CTNND2: variants seen among roughly 807,000 people sequenced by gnomAD.
The protein encoded by CTNND2 is catenin delta-2.
A neutral mutation model predicts 144.4 loss-of-function variants in CTNND2; 22 were observed. The ratio of observed to expected loss-of-function variants is 0.15; its 90% CI spans 0.11 to 0.22. The LOEUF (loss-of-function observed/expected upper bound fraction) is 0.22, where lower values mean the gene tolerates loss of function less well. Among genes scored for constraint, CTNND2 ranks in the 10% least tolerant of loss-of-function variants. The probability of loss-of-function intolerance (pLI) is 1.00; values close to 1 mark genes in which losing one functional copy is unlikely to be tolerated. For synonymous variants in CTNND2, 751 were observed against 695.6 expected, an observed-to-expected ratio of 1.08 and a Z score of -1.25; for missense variants, 1,353 against 1,618.8, an observed-to-expected ratio of 0.84 and a Z score of 2.82.
At chr5:11,182,354 C>A (rs2052472838) in intron 11 of CTNND2, among the ~76,000 whole-genome samples, 1 of 151,880 alleles carries the variant, frequency 6.6e-6, no homozygotes, top group Non-Finnish European at 1.5e-5. Context: ...CATGCACCCA[C>A]CTTCGTGTGC....
At chr5:10,974,111 C>G (rs896623973) in intron 21 of CTNND2, among the ~76,000 whole-genome samples, 11 of 152,212 alleles carry the variant, frequency 7.2e-5, no homozygotes, top group Non-Finnish European at 7.3e-5. Flanking sequence ...CTCATCCCCT[C>G]TCTCTCAGCC....
chr5:11,802,119 A>T (rs1031705272), intron 1 of CTNND2, among the ~76,000 whole-genome samples: 2 of 152,058 alleles, frequency 1.3e-5, no homozygotes, highest in African/African-American at 4.8e-5. Context: ...CTAAAAACAC[A>T]AAAATTAGCC....
chr5:11,620,104 A>G (rs1245007030), intron 2 of CTNND2, among the ~76,000 whole-genome samples: 1 of 152,206 alleles, frequency 6.6e-6, no homozygotes, highest in Non-Finnish European at 1.5e-5. Flanking sequence ...TAGCTTCATC[A>G]TTATTTTTGG....
chr5:10,974,021 G>A (rs1736137017), intron 21 of CTNND2, among the ~76,000 whole-genome samples: 1 of 152,212 alleles, frequency 6.6e-6, no homozygotes, highest in Non-Finnish European at 1.5e-5. Flanking sequence ...TCACAGTGTT[G>A]TGCAACCATC....
chr5:11,526,598 T>C (rs1040811444), intron 3 of CTNND2, among the ~76,000 whole-genome samples: 4 of 152,192 alleles, frequency 2.6e-5, no homozygotes, highest in Non-Finnish European at 5.9e-5. Context: ...AGCCCTCTTC[T>C]AAACATGTCT....
intron 10 of CTNND2, among the ~76,000 whole-genome samples, chr5:11,219,523 G>A (rs985023618): frequency 6.6e-6 from 1 of 152,198 alleles, no homozygotes. Context: ...CTTAATCCCT[G>A]TGAATATATG....
intron 2 of CTNND2, among the ~76,000 whole-genome samples, chr5:11,646,717 C>G (rs917603066): frequency 3.9e-5 from 6 of 152,192 alleles, no homozygotes; most frequent in Non-Finnish European, 8.8e-5. Flanking sequence ...AAGGCAGAAG[C>G]TTTTCTTCCC....
intron 11 of CTNND2, among the ~76,000 whole-genome samples, chr5:11,189,118 C>T (rs1399936741): frequency 2.6e-5 from 4 of 152,168 alleles, no homozygotes; most frequent in African/African-American, 9.7e-5. Context: ...ATTGTCTTGA[C>T]ACAGTTCACT....
At chr5:11,836,011 T>C (rs1794157270) in intron 1 of CTNND2, among the ~76,000 whole-genome samples, 1 of 152,202 alleles carries the variant, frequency 6.6e-6, no homozygotes, top group Non-Finnish European at 1.5e-5. Flanking sequence ...TTTGATACAA[T>C]GCATTTTAAT....
chr5:11,537,155 A>T (rs531925060), intron 3 of CTNND2, among the ~76,000 whole-genome samples: 1 of 151,760 alleles, frequency 6.6e-6, no homozygotes, highest in Non-Finnish European at 1.5e-5. Flanking sequence ...GATACTATTG[A>T]CTCTTTTTAT....
chr5:11,500,157 T>A (rs185744081), intron 3 of CTNND2, among the ~76,000 whole-genome samples: 1 of 152,252 alleles, frequency 6.6e-6, no homozygotes, highest in East Asian at 1.9e-4. Flanking sequence ...AGACCTTTCC[T>A]GTATAGACAC....
In CTNND2 at chr5:11,904,198, A is replaced by T. The variant is rs1437106264; in HGVS notation, c.-345T>A. 6.9e-6 allele frequency among the ~76,000 whole-genome samples: 1 copy of T among 144,026 alleles called. No individual in the cohort carries two copies. Among genetic ancestry groups the T allele is most frequent in the Non-Finnish European group, 1.5e-5 (1 of 65,156 alleles). 94.5% of individuals were successfully genotyped at this position (144,026 alleles called of 152,430 possible). A position where few individuals can be genotyped will look rare whatever the true frequency, so the allele number is the denominator to read the frequency against. On this transcript the variant is annotated 5_prime_UTR_variant, in exon 1 of 22. Transcript: ENST00000304623. The surrounding 1 kb of genome is among the most constrained non-coding windows in gnomAD (Gnocchi z 4.2). Reference sequence around the variant, plus strand: ...CTGAGAGAGCAGCCGCCGCGCCCGCAGCTCCGCTCAGCCGGCTGTCGCCGC... The same window carrying T: ...CTGAGAGAGCAGCCGCCGCGCCCGCTGCTCCGCTCAGCCGGCTGTCGCCGC...
rs1222988771 is a variant in CTNND2, at chr5:11,397,021, G to A, written c.612+10C>T. 1.2e-6 allele frequency: 2 copies of A among 1,612,034 alleles called. No individual in the cohort carries two copies. The highest frequency in any genetic ancestry group is 1.7e-5 in the Admixed American group (1 of 59,980). On this transcript the variant is annotated intron_variant, in intron 6 of 21. Transcript: ENST00000304623. ...GAGTCCACTGACACCATACAGCACTGGGTACCTACCTGGCTGAAGCTCTGG... is the reference window on the plus strand; with the variant it reads ...GAGTCCACTGACACCATACAGCACTAGGTACCTACCTGGCTGAAGCTCTGG...
rs1177402525 is a variant in CTNND2, at chr5:11,904,072, C to T, written c.-219G>A. On this transcript the variant is annotated 5_prime_UTR_variant, in exon 1 of 22. Coordinates refer to ENST00000304623, the MANE Select transcript of CTNND2 (RefSeq NM_001332.4). This position sits in a 1 kb window ranked among gnomAD's most constrained non-coding sequence, Gnocchi z 4.2. ...TGCGCAGCGCCCGGCCCGGCGGCCCCTCCGAGCTCGGCGAGCGCAGCGCCC... is the reference window on the plus strand; with the variant it reads ...TGCGCAGCGCCCGGCCCGGCGGCCCTTCCGAGCTCGGCGAGCGCAGCGCCC... 1.9e-5 allele frequency: 5 copies of T among 260,762 alleles called. No individual in the cohort carries two copies. The highest frequency in any genetic ancestry group is 3.3e-5 in the Non-Finnish European group (5 of 153,066). The allele number at this position is 260,762 out of a possible 1,614,324, so 16.2% of individuals were successfully genotyped here.
At chr5:11,273,336 C>T (rs917206976) in intron 9 of CTNND2, among the ~76,000 whole-genome samples, 20 of 152,066 alleles carry the variant, frequency 1.3e-4, no homozygotes, top group African/African-American at 4.6e-4. Flanking sequence ...CAAGTGGACA[C>T]ATGGGGAATA....
intron 3 of CTNND2, among the ~76,000 whole-genome samples, chr5:11,437,738 C>A (rs541989274): frequency 3.3e-5 from 5 of 152,290 alleles, no homozygotes; most frequent in Non-Finnish European, 7.3e-5. Flanking sequence ...GGACTGTAAT[C>A]GGAGATGGTC....
intron 10 of CTNND2, among the ~76,000 whole-genome samples, chr5:11,215,222 T>C (rs542306012): frequency 6.6e-6 from 1 of 152,228 alleles, no homozygotes; most frequent in African/African-American, 2.4e-5. Flanking sequence ...GGACTTCCAG[T>C]GCCTAAGAAG....
At chr5:11,071,460 A>T (rs1748286217) in intron 16 of CTNND2, among the ~76,000 whole-genome samples, 1 of 152,152 alleles carries the variant, frequency 6.6e-6, no homozygotes, top group Admixed American at 6.5e-5. Context: ...GAATCGTTTG[A>T]ACCTCGGAGG....
At chr5:11,375,604 C>T (rs755967966) in intron 7 of CTNND2, among the ~76,000 whole-genome samples, 2 of 152,068 alleles carry the variant, frequency 1.3e-5, no homozygotes, top group Non-Finnish European at 2.9e-5. Context: ...TCATTTGAAT[C>T]GCAGTTGTAT....
Sources: gnomAD v4.1 joint callset for allele counts (sites outside exome capture counted in the v4.1 genomes callset) on GRCh38, gnomAD v4.1.1 for gene constraint, Gnocchi (gnomAD v3.1) non-coding constraint, MANE v1.5 for transcripts, NCBI Gene and HGNC (gene_info 2026-07-23, HGNC 2026-07-21) for gene names.